AUTS2: variants seen among roughly 807,000 people sequenced by gnomAD.
AUTS2 encodes the protein activator of transcription and developmental regulator AUTS2.
In AUTS2, 17 loss-of-function variants were observed where a neutral mutation model predicts 112.4. That is an observed-to-expected ratio of 0.15 (90% CI 0.10 to 0.23). AUTS2 has a LOEUF of 0.23. Ranked by LOEUF, AUTS2 falls within the 10% of genes least tolerant of loss-of-function variation. The pLI is 1.00. For synonymous variants in AUTS2, 751 were observed against 702.7 expected, an observed-to-expected ratio of 1.07 and a Z score of -1.09; for missense variants, 1,510 against 1,701.6, an observed-to-expected ratio of 0.89 and a Z score of 1.98.
chr7:70,007,798 T>G (rs1324134131), intron 2 of AUTS2, among the ~76,000 whole-genome samples: 1 of 152,190 alleles, frequency 6.6e-6, no homozygotes, highest in Admixed American at 6.5e-5. Context: ...GGTCTGAATA[T>G]TTTTTAAATT....
At chr7:70,456,529 G>A (rs1307570376) in intron 5 of AUTS2, among the ~76,000 whole-genome samples, 2 of 152,200 alleles carry the variant, frequency 1.3e-5, no homozygotes, top group Non-Finnish European at 2.9e-5. Context: ...CACATAGACA[G>A]GACAGAAGAG....
intron 2 of AUTS2, among the ~76,000 whole-genome samples, chr7:69,983,176 A>G (rs1798365899): frequency 6.6e-6 from 1 of 152,218 alleles, no homozygotes; most frequent in Non-Finnish European, 1.5e-5. Context: ...ATATTTTCTT[A>G]CAACATTTGC....
rs376345291 is a variant in AUTS2 at position 70,223,930 on chromosome 7, C to T, written c.660+89359C>T. The stretch of plus-strand genomic sequence containing the variant: ...CCCAGGCTAGTCTTGAACTCCTGGG[C>T]TCAGTGGTCCTCTTACCTCAGCCTC... On this transcript the variant is annotated intron_variant, in intron 4 of 18. Coordinates refer to ENST00000342771, the MANE Select transcript of AUTS2 (RefSeq NM_015570.4). 3.1e-4 allele frequency among the ~76,000 whole-genome samples: 47 copies of T among 150,384 alleles called. No individual in the cohort carries two copies. In the East Asian group the frequency reaches 5.1e-3, roughly 16 times the overall value.
intron 4 of AUTS2, among the ~76,000 whole-genome samples, chr7:70,272,774 T>G (rs975604748): frequency 2.6e-5 from 4 of 152,134 alleles, no homozygotes; most frequent in African/African-American, 9.7e-5. Context: ...TAGGGAGGAC[T>G]GAGCCCCAGA....
rs144032448 is a variant in AUTS2, at chr7:70,743,426, G to A, written c.743-19444G>A. On this transcript the variant is annotated intron_variant, in intron 6 of 18. Coordinates refer to ENST00000342771, the MANE Select transcript of AUTS2 (RefSeq NM_015570.4). ...AGAGGTTGCAGTGAGCCGAGATTGC[G>A]CCACTGTACTCCAGCCTGGCTGACA... Among the ~76,000 whole-genome samples the A allele has an allele frequency of 4.6e-3, 608 of 132,714 alleles. 5 individuals are homozygous for A. Among genetic ancestry groups the A allele is most frequent in the African/African-American group, 0.016 (558 of 34,236 alleles). 87.1% of individuals were successfully genotyped at this position (132,714 alleles called of 152,430 possible).
rs544927748 is a variant in AUTS2, at chr7:70,107,469, G to T, written c.523-10663G>T. On this transcript the variant is annotated intron_variant, in intron 2 of 18. Coordinates refer to ENST00000342771, the MANE Select transcript of AUTS2 (RefSeq NM_015570.4). ...GGCAATTCTCCTGCCTCAGCCTCCC[G>T]AGTAGCTGGGATTACAGGCACGCCC... Among the ~76,000 whole-genome samples, 38 of 147,490 alleles carry T rather than the reference G, an allele frequency of 2.6e-4. No homozygotes were observed. In the East Asian group the frequency reaches 7.7e-3, roughly 30 times the overall value.
chr7:70,386,059 T>C (rs1047631727), intron 4 of AUTS2, among the ~76,000 whole-genome samples: 3 of 152,208 alleles, frequency 2.0e-5, no homozygotes, highest in African/African-American at 7.2e-5. Flanking sequence ...TGAAAATGCT[T>C]TTCAGGTGGC....
At chr7:70,593,415 A>G (rs1803043652) in intron 5 of AUTS2, among the ~76,000 whole-genome samples, 2 of 152,186 alleles carry the variant, frequency 1.3e-5, no homozygotes, top group African/African-American at 2.4e-5. Flanking sequence ...CCTCAGTGAC[A>G]TAAAGACTGG....
chr7:70,124,005 G>A (rs879115239), intron 3 of AUTS2, among the ~76,000 whole-genome samples: 1 of 152,090 alleles, frequency 6.6e-6, no homozygotes, highest in African/African-American at 2.4e-5. Flanking sequence ...CACCTTGCCA[G>A]CATCTGTTGT....
intron 1 of AUTS2, among the ~76,000 whole-genome samples, chr7:69,646,698 C>T (rs1026612927): frequency 6.6e-6 from 1 of 152,186 alleles, no homozygotes; most frequent in African/African-American, 2.4e-5. Context: ...GTCCTAAGGC[C>T]TCTCCTCTCT....
intron 4 of AUTS2, among the ~76,000 whole-genome samples, chr7:70,215,903 G>A (rs1187756156): frequency 6.6e-6 from 1 of 152,108 alleles, no homozygotes; most frequent in African/African-American, 2.4e-5. Context: ...AATACAATTT[G>A]GCTTAAATCA....
chr7:70,643,215 G>A (rs4718974), intron 5 of AUTS2, among the ~76,000 whole-genome samples: 6,923 of 152,130 alleles, frequency 0.046, 198 homozygotes, highest in Middle Eastern at 0.11. Flanking sequence ...CCTTAGCTTC[G>A]GACCCATATT....
At chr7:70,759,782 CAAG>C (rs1340735695) in intron 6 of AUTS2, among the ~76,000 whole-genome samples, 2 of 152,126 alleles carry the variant, frequency 1.3e-5, no homozygotes, top group African/African-American at 2.4e-5. Flanking sequence ...CGTTCAAGAA[CAAG>C]GAGGTAAACA....
At chr7:70,607,056 A>T (rs1167196893) in intron 5 of AUTS2, among the ~76,000 whole-genome samples, 2 of 152,052 alleles carry the variant, frequency 1.3e-5, no homozygotes, top group African/African-American at 4.8e-5. Flanking sequence ...TAACTGACCA[A>T]TTCGGAGTGA....
At chr7:70,741,116 A>G (rs947133170) in intron 6 of AUTS2, among the ~76,000 whole-genome samples, 1 of 151,930 alleles carries the variant, frequency 6.6e-6, no homozygotes, top group African/African-American at 2.4e-5. Flanking sequence ...AAATAAAAAA[A>G]AAAAAGAAAC....
intron 5 of AUTS2, among the ~76,000 whole-genome samples, chr7:70,516,792 G>T (rs1374446226): frequency 2.0e-5 from 3 of 152,068 alleles, no homozygotes; most frequent in Non-Finnish European, 4.4e-5. Context: ...ACCAAGAAAA[G>T]ACTTTTTATA....
chr7:70,005,353 G>A (rs1442193295), intron 2 of AUTS2, among the ~76,000 whole-genome samples: 2 of 152,044 alleles, frequency 1.3e-5, no homozygotes, highest in South Asian at 2.1e-4. Context: ...AGCCCCTTGG[G>A]GGACAGGAAC....
chr7:70,234,276 A>AT (rs532048759), intron 4 of AUTS2, among the ~76,000 whole-genome samples: 191 of 152,268 alleles, frequency 1.3e-3, no homozygotes, highest in Middle Eastern at 3.4e-3. Flanking sequence ...ATATGCCAAG[A>AT]TTTTTTAGGT....
rs183680560 is a variant in AUTS2 at position 70,079,943 on chromosome 7, G to A, written c.523-38189G>A. On this transcript the variant is annotated intron_variant, in intron 2 of 18. Coordinates refer to ENST00000342771, the MANE Select transcript of AUTS2 (RefSeq NM_015570.4). ...TGGCAGAAGACATCACATGGTGAGAGAACATGCTCAAGAGAGTTTGAAGCT... is the reference window on the plus strand; with the variant it reads ...TGGCAGAAGACATCACATGGTGAGAAAACATGCTCAAGAGAGTTTGAAGCT... Among the ~76,000 whole-genome samples, 3 of 152,258 alleles carry A rather than the reference G, an allele frequency of 2.0e-5. No individual in the cohort carries two copies. The East Asian group carries it at 5.8e-4, about 29-fold the overall frequency.
Sources: allele counts gnomAD v4.1 joint callset (sites outside exome capture counted in the v4.1 genomes callset), GRCh38; gene constraint gnomAD v4.1.1; transcripts MANE v1.5; gene names NCBI Gene and HGNC (gene_info 2026-07-23, HGNC 2026-07-21).